The following CHEK1 variants were observed in gnomAD, a reference collection of about 807,000 sequenced individuals.
CHEK1 encodes checkpoint kinase 1, also known as serine/threonine-protein kinase Chk1.
Under a neutral mutation model 60.2 loss-of-function variants are expected in CHEK1, and 32 were observed. The observed-to-expected ratio is 0.53, with a 90% CI of 0.40 to 0.71. The LOEUF (loss-of-function observed/expected upper bound fraction) is 0.71, where lower values mean the gene tolerates loss of function less well. Ranked by LOEUF, CHEK1 falls within the 30% of genes least tolerant of loss-of-function variation. The pLI, the probability that CHEK1 is intolerant of heterozygous loss-of-function variation, is 0.00. For missense variants in CHEK1, 399 were observed against 564.6 expected (o/e 0.71, Z 2.97); for synonymous variants, 179 against 187.2 (o/e 0.96, Z 0.36).
chr11:125,672,420 T>C, intron 13 of CHEK1: 1 of 713,808 alleles, frequency 1.4e-6, no homozygotes, highest in Non-Finnish European at 2.3e-6. Flanking sequence ...CAGAGAAGAA[T>C]GGATAAAAGC....
chr11:125,627,749 T>A lies in CHEK1; in HGVS notation c.208T>A (p.Phe70Ile). The change falls in exon 3 of 13, where the codon TTC becomes ATC. Residue 70 changes from phenylalanine (F) to isoleucine (I), a missense_variant. Physicochemically the swap from Phe to Ile is conservative, Grantham distance 21. Around this residue, in one of 2 missense-constraint regions of CHEK1, gnomAD observed 370 missense variants for 494.8 expected, o/e 0.75. Coordinates refer to ENST00000438015, the MANE Select transcript of CHEK1 (RefSeq NM_001114122.3). ...GCTAAATCATGAAAATGTAGTAAAA[T>A]TCTATGGTCACAGGAGAGAAGGCAA... Reference protein sequence around the residue: ...KMLNHENVVKFYGHRREGNIQ... With the variant: ...KMLNHENVVKIYGHRREGNIQ... 2 of 1,613,580 alleles carry A rather than the reference T, an allele frequency of 1.2e-6. No individual in the cohort carries two copies. The highest frequency in any genetic ancestry group is 1.7e-6 in the Non-Finnish European group (2 of 1,179,870).
At chr11:125,646,580 C>T (rs1037754872) in intron 11 of CHEK1, among the ~76,000 whole-genome samples, 1 of 152,168 alleles carries the variant, frequency 6.6e-6, no homozygotes, top group African/African-American at 2.4e-5. Flanking sequence ...TACCATTTTA[C>T]GTTCCCATCA....
chr11:125,644,029 A>C (rs1448207240), intron 9 of CHEK1, 62 bp from the exon 10 acceptor site: 1 of 1,568,114 alleles, frequency 6.4e-7, no homozygotes, highest in Non-Finnish European at 8.7e-7. Flanking sequence ...TGTGTGATAT[A>C]AGAAAGGCCT....
At chr11:125,674,402 AGAAAG>A (rs1445239654) in intron 13 of CHEK1, among the ~76,000 whole-genome samples, 2 of 152,228 alleles carry the variant, frequency 1.3e-5, no homozygotes, top group Admixed American at 1.3e-4. Context: ...CATTTCGATT[AGAAAG>A]GAAAGAGGAT....
intron 8 of CHEK1, among the ~76,000 whole-genome samples, chr11:125,639,810 C>T (rs1287718817): frequency 6.6e-6 from 1 of 152,138 alleles, no homozygotes; most frequent in East Asian, 1.9e-4. Context: ...CCTCTATGCT[C>T]ATGTATTCTC....
intron 3 of CHEK1, among the ~76,000 whole-genome samples, chr11:125,628,508 TG>T (rs1387836625): frequency 6.6e-6 from 1 of 152,146 alleles, no homozygotes; most frequent in African/African-American, 2.4e-5. Context: ...GTAAAAGAAA[TG>T]GAGTTAATGA....
At chr11:125,633,093 T>G in intron 5 of CHEK1, 70 bp from the exon 6 acceptor site, 3 of 1,396,344 alleles carry the variant, frequency 2.1e-6, no homozygotes, top group South Asian at 2.9e-5. Flanking sequence ...TCAGTAAAAC[T>G]TAATTCCTGT....
At chr11:125,680,712 C>T (rs765692236), downstream of CHEK1, 3 of 1,610,730 alleles carry the variant, frequency 1.9e-6, no homozygotes, top group African/African-American at 4.0e-5. Context: ...TACCTGAAGC[C>T]TAGATCAAAC....
At chr11:125,626,380 C>T (rs917127959) in intron 1 of CHEK1, 2 of 434,766 alleles carry the variant, frequency 4.6e-6, no homozygotes, top group African/African-American at 3.9e-5. Context: ...TTTTCTGCCC[C>T]ATACCGCTCC....
At chr11:125,662,570 T>C (rs1339454848) in intron 13 of CHEK1, among the ~76,000 whole-genome samples, 1 of 152,250 alleles carries the variant, frequency 6.6e-6, no homozygotes, top group Non-Finnish European at 1.5e-5. Flanking sequence ...TGTTAGCCTG[T>C]ATCAAGTTCA....
chr11:125,626,290 C>A, intron 1 of CHEK1: 1 of 498,878 alleles, frequency 2.0e-6, no homozygotes. Flanking sequence ...TGGCCCCGCC[C>A]CGGCCTTTGG....
chr11:125,664,678 T>A (rs1398396467), intron 13 of CHEK1, among the ~76,000 whole-genome samples: 1 of 152,242 alleles, frequency 6.6e-6, no homozygotes, highest in Non-Finnish European at 1.5e-5. Flanking sequence ...TGGTTATTAA[T>A]CCCTTGTCAG....
chr11:125,635,334 T>G, intron 6 of CHEK1, 95 bp from the exon 7 acceptor site: 1 of 783,424 alleles, frequency 1.3e-6, no homozygotes, highest in Non-Finnish European at 1.9e-6. Context: ...TTGAATTAAT[T>G]CAAAGGAAAC....
rs772079899 is a variant in CHEK1 at position 125,643,806 on chromosome 11, C to G, written c.829C>G (p.Arg277Gly). The G allele has an allele frequency of 1.2e-6, 2 of 1,613,282 alleles. No homozygotes were observed. Among genetic ancestry groups the G allele is most frequent in the East Asian group, 4.5e-5 (2 of 44,852 alleles). The change falls in exon 9 of 13, where the codon CGA becomes GGA. Residue 277 changes from arginine (R) to glycine (G), a missense_variant. By Grantham distance (125) the Arg-to-Gly change is moderately radical. Around this residue, in one of 2 missense-constraint regions of CHEK1, gnomAD observed 370 missense variants for 494.8 expected, o/e 0.75. Transcript: ENST00000438015. Reference sequence around the variant, plus strand: ...TTCTTTTTTAGGGGCAAAAAGGCCCCGAGTCACTTCAGGTGGTGTGTCAGA... The same window carrying G: ...TTCTTTTTTAGGGGCAAAAAGGCCCGGAGTCACTTCAGGTGGTGTGTCAGA... The part of the protein sequence containing the change: ...KPLKKGAKRP[R>G]VTSGGVSESP...
At chr11:125,629,168 A>G (rs78170873) in intron 3 of CHEK1, 64 bp from the exon 4 acceptor site, 92,890 of 1,469,486 alleles carry the variant, frequency 0.063, 3,291 homozygotes, top group Middle Eastern at 0.11. Context: ...CTTCAAATTA[A>G]GAAGCTATGT....
At chr11:125,672,817 C>T in intron 13 of CHEK1, 1 of 1,402,430 alleles carries the variant, frequency 7.1e-7, no homozygotes, top group Admixed American at 2.2e-5. Flanking sequence ...TGGTCAAGAC[C>T]TCCACTTGTC....
At chr11:125,659,621 C>G (rs1941977563), downstream of CHEK1, among the ~76,000 whole-genome samples, 1 of 151,746 alleles carries the variant, frequency 6.6e-6, no homozygotes. Flanking sequence ...TTTTTTGATC[C>G]ATAAATTATT....
At chr11:125,636,570 T>A (rs991282519) in intron 7 of CHEK1, among the ~76,000 whole-genome samples, 4 of 152,152 alleles carry the variant, frequency 2.6e-5, no homozygotes, top group African/African-American at 9.6e-5. Context: ...CTCATCAATT[T>A]ACATTAAGGA....
intron 13 of CHEK1, among the ~76,000 whole-genome samples, chr11:125,664,744 T>C (rs1477692468): frequency 6.6e-6 from 1 of 151,974 alleles, no homozygotes; most frequent in African/African-American, 2.4e-5. Flanking sequence ...TCATTCCGAT[T>C]TTTTTTTGCT....
Sources: gnomAD v4.1 joint callset for allele counts (sites outside exome capture counted in the v4.1 genomes callset) on GRCh38, gnomAD v4.1.1 for gene constraint, gnomAD v4.1.1 regional missense constraint, MANE v1.5 for transcripts, NCBI Gene and HGNC (gene_info 2026-07-23, HGNC 2026-07-21) for gene names.